CNTN1: variants seen among roughly 807,000 people sequenced by gnomAD.
The protein encoded by CNTN1 is contactin 1, also known as contactin-1.
In CNTN1, 38 loss-of-function variants were observed where a neutral mutation model predicts 126.4. The observed-to-expected ratio is 0.30, with a 90% CI of 0.23 to 0.39. The LOEUF (loss-of-function observed/expected upper bound fraction) is 0.39. CNTN1 is among the 10% of genes least tolerant of loss of function. CNTN1 has a pLI of 1.00. For synonymous variants in CNTN1, 413 were observed against 422.6 expected (o/e 0.98, Z 0.28); for missense variants, 1,009 against 1,248.4 (o/e 0.81, Z 2.89).
At chr12:41,046,986 C>T (rs889297845) in intron 23 of CNTN1, among the ~76,000 whole-genome samples, 1 of 151,456 alleles carries the variant, frequency 6.6e-6, no homozygotes, top group Non-Finnish European at 1.5e-5. Context: ...ATGCTTCTCA[C>T]TTGGCCAAAC....
At chr12:40,957,284 GAGAGAAGTA>G (rs1201538952) in intron 14 of CNTN1, among the ~76,000 whole-genome samples, 3 of 151,902 alleles carry the variant, frequency 2.0e-5, no homozygotes, top group African/African-American at 7.3e-5. Flanking sequence ...GAGAAAAGAA[GAGAGAAGTA>G]AGAGATTGGT....
At chr12:40,764,008 T>C (rs969091481) in intron 1 of CNTN1, among the ~76,000 whole-genome samples, 13 of 152,168 alleles carry the variant, frequency 8.5e-5, no homozygotes, top group African/African-American at 3.1e-4. Context: ...AGCCAAACCA[T>C]GGAAACACTT....
intron 23 of CNTN1, among the ~76,000 whole-genome samples, chr12:41,029,501 A>G (rs953958912): frequency 6.6e-6 from 1 of 152,218 alleles, no homozygotes; most frequent in Admixed American, 6.6e-5. Context: ...AATATACAGT[A>G]TGGAACATAT....
intron 1 of CNTN1, among the ~76,000 whole-genome samples, chr12:40,841,561 A>T (rs1189158204): frequency 6.6e-6 from 1 of 152,072 alleles, no homozygotes; most frequent in Non-Finnish European, 1.5e-5. Context: ...CAATAACATA[A>T]CAAAAAGATA....
intron 21 of CNTN1, among the ~76,000 whole-genome samples, chr12:41,025,754 T>A (rs1002895859): frequency 1.2e-4 from 19 of 152,306 alleles, no homozygotes; most frequent in African/African-American, 4.6e-4. Context: ...GTTAAGTGTG[T>A]AGCATTATGC....
intron 15 of CNTN1, among the ~76,000 whole-genome samples, chr12:40,971,112 A>G (rs1356217707): frequency 6.6e-6 from 1 of 152,110 alleles, no homozygotes; most frequent in Non-Finnish European, 1.5e-5. Context: ...ATAGACTTGC[A>G]CTCTGTGGAA....
At position 40,741,964 on chromosome 12, in the gene CNTN1, TCTTTA is replaced by T. The variant is rs1937962124; in HGVS notation, c.-77+49375_-77+49379del. 7.9e-5 allele frequency among the ~76,000 whole-genome samples: 12 copies of T among 152,146 alleles called. No individual in the cohort carries two copies. The South Asian group carries it at 2.5e-3, about 32-fold the overall frequency. ...CAGAATTTATTTTCCTTTCTTTCCC[TCTTTA>T]CTGTAGGGGGAAAAAGTCTAAGCTT... is the stretch of plus-strand genomic sequence containing the variant. On this transcript the variant is annotated intron_variant, in intron 1 of 23. Transcript: ENST00000551295.
At chr12:40,693,250 G>C (rs992878687) in intron 1 of CNTN1, among the ~76,000 whole-genome samples, 31 of 152,350 alleles carry the variant, frequency 2.0e-4, no homozygotes, top group African/African-American at 7.2e-4. Flanking sequence ...AGGTGGGAGG[G>C]AGAGACCGCG....
chr12:40,702,498 G>A (rs756597563), intron 1 of CNTN1, among the ~76,000 whole-genome samples: 28 of 152,236 alleles, frequency 1.8e-4, no homozygotes, highest in Middle Eastern at 3.4e-3. Flanking sequence ...AGGCTGGAGT[G>A]CAATGGTGCG....
At chr12:40,806,443 C>T (rs1036157200) in intron 1 of CNTN1, among the ~76,000 whole-genome samples, 2 of 152,058 alleles carry the variant, frequency 1.3e-5, no homozygotes, top group Non-Finnish European at 2.9e-5. Flanking sequence ...CTTACCCACC[C>T]GCTAATGTCA....
intron 17 of CNTN1, among the ~76,000 whole-genome samples, chr12:40,998,472 G>A (rs1400774485): frequency 6.6e-6 from 1 of 152,044 alleles, no homozygotes; most frequent in African/African-American, 2.4e-5. Context: ...TCTATCTGAT[G>A]AGACATAACT....
At chr12:40,911,212 C>G (rs994661260) in intron 3 of CNTN1, among the ~76,000 whole-genome samples, 29 of 152,142 alleles carry the variant, frequency 1.9e-4, no homozygotes, top group Admixed American at 1.6e-3. Flanking sequence ...TCCCGAGTAG[C>G]TGGGACTACA....
intron 1 of CNTN1, among the ~76,000 whole-genome samples, chr12:40,906,997 T>C (rs1003922061): frequency 2.0e-4 from 30 of 152,168 alleles, no homozygotes; most frequent in Non-Finnish European, 3.5e-4. Flanking sequence ...TCTTAATTTA[T>C]GTTTTCATTC....
intron 1 of CNTN1, among the ~76,000 whole-genome samples, chr12:40,719,877 G>A (rs888192686): frequency 4.0e-5 from 6 of 151,882 alleles, no homozygotes; most frequent in African/African-American, 1.5e-4. Flanking sequence ...TCGCTCTATT[G>A]CCCAGGCTGG....
At chr12:41,061,344 T>C (rs1278638089) in intron 23 of CNTN1, among the ~76,000 whole-genome samples, 1 of 152,206 alleles carries the variant, frequency 6.6e-6, no homozygotes, top group Non-Finnish European at 1.5e-5. Flanking sequence ...CCTGGTGATC[T>C]GGTGTTTTCT....
chr12:40,838,653 A>G (rs1942161074), intron 1 of CNTN1, among the ~76,000 whole-genome samples: 1 of 152,176 alleles, frequency 6.6e-6, no homozygotes, highest in Non-Finnish European at 1.5e-5. Flanking sequence ...TAACCCACCA[A>G]AAAATGACAG....
At chr12:40,841,644 ATACAT>A (rs1483957606) in intron 1 of CNTN1, among the ~76,000 whole-genome samples, 1 of 151,874 alleles carries the variant, frequency 6.6e-6, no homozygotes, top group Non-Finnish European at 1.5e-5. Flanking sequence ...TATAAAGGTG[ATACAT>A]TACATTAATG....
chr12:40,986,388 A>T (rs1417592351), intron 16 of CNTN1, among the ~76,000 whole-genome samples: 1 of 152,206 alleles, frequency 6.6e-6, no homozygotes, highest in Non-Finnish European at 1.5e-5. Context: ...TGAGTCAATC[A>T]GATTTGTAGT....
At chr12:40,712,890 G>C (rs1003281400) in intron 1 of CNTN1, among the ~76,000 whole-genome samples, 3 of 152,044 alleles carry the variant, frequency 2.0e-5, no homozygotes, top group African/African-American at 7.2e-5. Context: ...CATCAGGGAG[G>C]ATCCCTCATG....
Sources: gnomAD v4.1 joint callset for allele counts (sites outside exome capture counted in the v4.1 genomes callset) on GRCh38, gnomAD v4.1.1 for gene constraint, MANE v1.5 for transcripts, NCBI Gene and HGNC (gene_info 2026-07-23, HGNC 2026-07-21) for gene names.